Variants in INF2 observed in about 807,000 individuals in gnomAD.
The protein encoded by INF2 is inverted formin 2, also known as inverted formin-2.
Under a neutral mutation model 123.5 loss-of-function variants are expected in INF2, and 43 were observed. The ratio of observed to expected loss-of-function variants is 0.35; its 90% CI spans 0.27 to 0.45. INF2 has a LOEUF of 0.45. Ranked by LOEUF, INF2 falls within the 20% of genes least tolerant of loss-of-function variation. The probability of loss-of-function intolerance (pLI) is 1.00; values close to 1 mark genes in which losing one functional copy is unlikely to be tolerated. For synonymous variants in INF2, 851 were observed against 745.0 expected (o/e 1.14, Z -2.32); for missense variants, 1,453 against 1,682.7 (o/e 0.86, Z 2.39).
rs929722878 is a variant in INF2 at position 104,709,505 on chromosome 14, A to G, written c.2053-115A>G. 4.7e-6 allele frequency: 6 copies of G among 1,289,164 alleles called. No individual in the cohort carries two copies. In the African/African-American group the frequency reaches 8.8e-5, roughly 19 times the overall value. 79.9% of individuals were successfully genotyped at this position (1,289,164 alleles called of 1,614,324 possible). A position where few individuals can be genotyped will look rare whatever the true frequency, so the allele number is the denominator to read the frequency against. ...GCATCCCAGCCCTACCTCTGCCCTG[A>G]ACCGTGAGCCACAGGGAGCCATGAT... On this transcript the variant is annotated intron_variant, in intron 11 of 22. Transcript: ENST00000392634.
At chr14:104,689,587 T>TGCGG, upstream of INF2, 2 of 851,068 alleles carry the variant, frequency 2.3e-6, no homozygotes, top group Non-Finnish European at 2.8e-6. Flanking sequence ...CACCTCCTCT[T>TGCGG]CCTCCCGCCC....
intron 1 of INF2, chr14:104,681,705 G>A (rs1888526894): frequency 1.3e-6 from 1 of 773,976 alleles, no homozygotes; most frequent in Non-Finnish European, 1.9e-6. Flanking sequence ...GTCCCGGAGG[G>A]CAGCACGCTG....
chr14:104,687,112 G>A (rs963465711), upstream of INF2, among the ~76,000 whole-genome samples: 6 of 152,198 alleles, frequency 3.9e-5, no homozygotes, highest in Non-Finnish European at 7.4e-5. The surrounding 1 kb of genome is among the most constrained non-coding windows in gnomAD (Gnocchi z 5.6). Flanking sequence ...ACACCCAGGA[G>A]GGGAGGCTCC....
intron 5 of INF2, chr14:104,704,735 C>T (rs753193555): frequency 3.3e-5 from 5 of 152,500 alleles, no homozygotes; most frequent in East Asian, 1.9e-4. Flanking sequence ...AAATCGCCTA[C>T]GTTACACAGT....
intron 1 of INF2, among the ~76,000 whole-genome samples, chr14:104,696,699 C>A (rs902696138): frequency 5.9e-5 from 9 of 152,048 alleles, no homozygotes; most frequent in Non-Finnish European, 1.2e-4. Context: ...CCTGGAGATC[C>A]ATGGGTTGCC....
chr14:104,703,018 G>A, intron 2 of INF2, 87 bp from the exon 3 acceptor site: 1 of 1,124,490 alleles, frequency 8.9e-7, no homozygotes, highest in Non-Finnish European at 1.3e-6. Context: ...TGCCTGCCAG[G>A]CCCAGAGCCC....
intron 1 of INF2, among the ~76,000 whole-genome samples, chr14:104,695,378 C>G (rs1889136261): frequency 6.6e-6 from 1 of 152,120 alleles, no homozygotes; most frequent in Admixed American, 6.5e-5. Flanking sequence ...CAGAGGTGAC[C>G]AGGCCCTCAG....
chr14:104,712,437 A>T lies in INF2; in HGVS notation c.2494A>T (p.Asn832Tyr). Reference sequence around the variant, plus strand: ...CCGGCCCTCCTCACCTTTCAGGATCAACCTGGAGATCATCCGCTCAGAGGC... The same window carrying T: ...CCGGCCCTCCTCACCTTTCAGGATCTACCTGGAGATCATCCGCTCAGAGGC... ...LEQPSQAAGI[N>Y]LEIIRSEASS... The change falls in exon 17 of 23, where the codon AAC (asparagine) becomes TAC (tyrosine). Residue 832 changes from asparagine (N) to tyrosine (Y), a missense_variant. By Grantham distance (143) the Asn-to-Tyr change is moderately radical. Around this residue, in one of 8 missense-constraint regions of INF2, gnomAD observed 212 missense variants for 266.2 expected, o/e 0.80. Coordinates refer to ENST00000392634, the MANE Select transcript of INF2 (RefSeq NM_022489.4). 1 of 1,612,490 alleles carries T rather than the reference A, an allele frequency of 6.2e-7. No individual in the cohort carries two copies. The highest frequency in any genetic ancestry group is 8.5e-7 in the Non-Finnish European group (1 of 1,179,738).
chr14:104,689,886 C>G (rs555891693), intron 1 of INF2, 147 bp downstream of exon 1: 105 of 362,474 alleles, frequency 2.9e-4, no homozygotes, highest in African/African-American at 2.0e-3. Context: ...GCGCAGGGTA[C>G]AGTTCCCGGG....
Position 104,707,542 on chromosome 14 carries a change from A to AC in INF2, c.1280dup (p.Pro428ThrfsTer25). 1 of 655,884 alleles carries AC rather than the reference A, an allele frequency of 1.5e-6. No individual in the cohort carries two copies. The highest frequency in any genetic ancestry group is 2.0e-6 in the Non-Finnish European group (1 of 495,650). The allele number at this position is 655,884 out of a possible 1,614,324, so 40.6% of individuals were successfully genotyped here. On this transcript the variant is annotated frameshift_variant, in exon 8 of 23. Coordinates refer to ENST00000392634, the MANE Select transcript of INF2 (RefSeq NM_022489.4). LOFTEE classifies it high-confidence loss of function. ...AGGCGTCCACCCCACCCCCACCCCCACCCCCACCCCTGCTCCCTGGTTCCA... is the reference window on the plus strand; with the variant it reads ...AGGCGTCCACCCCACCCCCACCCCCACCCCCCACCCCTGCTCCCTGGTTCCA...
In INF2 at chr14:104,707,770, C is replaced by T. The variant is rs1057520913; in HGVS notation, c.1503C>T (p.Pro501=). ...PPPLPGLGCP[P]PPPPLLPGMG... is the part of the protein sequence containing the mutation. ...CACTCCCGGGCTTGGGATGCCCGCC[C>T]CCACCCCCACCCCTGCTGCCTGGTA... Residue 501 remains proline (P), a synonymous_variant, in exon 8 of 23, where the codon CCC becomes CCT. Coordinates refer to ENST00000392634, the MANE Select transcript of INF2 (RefSeq NM_022489.4). The T allele has an allele frequency of 4.4e-5, 59 of 1,355,404 alleles. No homozygotes were observed. The highest frequency in any genetic ancestry group is 6.0e-5 in the Non-Finnish European group (59 of 980,352). 84.0% of individuals were successfully genotyped at this position (1,355,404 alleles called of 1,614,324 possible). A position where few individuals can be genotyped will look rare whatever the true frequency, so the allele number is the denominator to read the frequency against.
At position 104,712,872 on chromosome 14, in the gene INF2, C is replaced by T. The variant is rs1890118484; in HGVS notation, c.2655C>T (p.Ala885=). The T allele has an allele frequency of 1.2e-6, 2 of 1,612,656 alleles. No homozygotes were observed. The highest frequency in any genetic ancestry group is 4.5e-5 in the East Asian group (2 of 44,882). ...AFRALDELFE[A]IEQKQRELAD... ...GGGCACTGGATGAGCTGTTTGAGGC[C>T]ATCGAGCAGAAGCAACGGGAGCTGG... Residue 885 remains alanine (A), a synonymous_variant, in exon 18 of 23, where the codon GCC becomes GCT. Transcript: ENST00000392634.
intron 16 of INF2, 88 bp from the exon 17 acceptor site, chr14:104,712,345 G>GC: frequency 6.4e-7 from 1 of 1,563,142 alleles, no homozygotes; most frequent in South Asian, 1.1e-5. Flanking sequence ...ACAGTGGGGT[G>GC]CCGGGGGGTG....
At chr14:104,718,143 C>G (rs773849838) in intron 22 of INF2, among the ~76,000 whole-genome samples, 4 of 152,248 alleles carry the variant, frequency 2.6e-5, no homozygotes, top group Non-Finnish European at 5.9e-5. Context: ...TGTTTTCTTG[C>G]TGTCTGTTTA....
At chr14:104,691,920 C>T (rs1888971892) in intron 1 of INF2, among the ~76,000 whole-genome samples, 1 of 151,874 alleles carries the variant, frequency 6.6e-6, no homozygotes. Flanking sequence ...AGCCCAGTGC[C>T]GGTATACCCT....
upstream of INF2, among the ~76,000 whole-genome samples, chr14:104,688,607 G>T (rs932638393): frequency 6.6e-6 from 1 of 152,216 alleles, no homozygotes; most frequent in Non-Finnish European, 1.5e-5. Context: ...GGAAACTGAG[G>T]CTCCACAGAG....
chr14:104,702,309 C>A (rs1213743402), intron 2 of INF2, among the ~76,000 whole-genome samples: 1 of 152,206 alleles, frequency 6.6e-6, no homozygotes, highest in Non-Finnish European at 1.5e-5. Flanking sequence ...TCCCGGCAGG[C>A]AGGCAGGCCC....
Position 104,684,240 on chromosome 14 carries a change from C to A in INF2, c.-104+2658C>A. On this transcript the variant is annotated intron_variant, in intron 1 of 2. Transcript: ENST00000674723. This position sits in a 1 kb window ranked among gnomAD's most constrained non-coding sequence, Gnocchi z 5.0. ...AACCGAGAAGGAGGCTGGGGAGGGACAGCTCGAGGGCTCACTGGAGGTCAG... is the reference window on the plus strand; with the variant it reads ...AACCGAGAAGGAGGCTGGGGAGGGAAAGCTCGAGGGCTCACTGGAGGTCAG... 2.3e-6 allele frequency: 1 copy of A among 431,168 alleles called. No individual in the cohort carries two copies. Among genetic ancestry groups the A allele is most frequent in the Non-Finnish European group, 4.7e-6 (1 of 212,626 alleles). 26.7% of individuals were successfully genotyped at this position (431,168 alleles called of 1,614,324 possible). A position where few individuals can be genotyped will look rare whatever the true frequency, so the allele number is the denominator to read the frequency against.
exon 1 of INF2, chr14:104,681,521 CA>C (rs1888523746): frequency 1.6e-6 from 2 of 1,283,560 alleles, no homozygotes; most frequent in Admixed American, 2.3e-5. Flanking sequence ...CCCCTCTCAG[CA>C]AACTCCACGT....
Sources: gnomAD v4.1 joint callset for allele counts (sites outside exome capture counted in the v4.1 genomes callset) on GRCh38, gnomAD v4.1.1 for gene constraint, gnomAD v4.1.1 regional missense constraint, Gnocchi (gnomAD v3.1) non-coding constraint, MANE v1.5 for transcripts, NCBI Gene and HGNC (gene_info 2026-07-23, HGNC 2026-07-21) for gene names.